PLEKHA7: variants seen among roughly 807,000 people sequenced by gnomAD.
PLEKHA7 encodes pleckstrin homology domain containing A7.
PLEKHA7 carries 104 observed loss-of-function variants against 170.0 expected under a neutral mutation model. The ratio of observed to expected loss-of-function variants is 0.61; its 90% CI spans 0.52 to 0.72. The LOEUF (loss-of-function observed/expected upper bound fraction) is 0.72, where lower values mean the gene tolerates loss of function less well. Ranked by LOEUF, PLEKHA7 falls within the 30% of genes least tolerant of loss-of-function variation. The probability of loss-of-function intolerance (pLI) is 0.00; values close to 1 mark genes in which losing one functional copy is unlikely to be tolerated. For synonymous variants in PLEKHA7, 648 were observed against 660.8 expected, an observed-to-expected ratio of 0.98 and a Z score of 0.30; for missense variants, 1,615 against 1,671.7, an observed-to-expected ratio of 0.97 and a Z score of 0.59.
intron 13 of PLEKHA7, among the ~76,000 whole-genome samples, chr11:16,812,737 C>A (rs1332229682): frequency 6.6e-6 from 1 of 152,188 alleles, no homozygotes. Context: ...AAAGAACCCA[C>A]CACACCACTT....
At chr11:16,964,323 G>A (rs1024568695) in intron 3 of PLEKHA7, among the ~76,000 whole-genome samples, 1 of 152,152 alleles carries the variant, frequency 6.6e-6, no homozygotes, top group African/African-American at 2.4e-5. Context: ...ATTCCTTTGG[G>A]TATATACCTA....
At chr11:16,868,014 C>T (rs1854526652) in intron 4 of PLEKHA7, among the ~76,000 whole-genome samples, 1 of 152,092 alleles carries the variant, frequency 6.6e-6, no homozygotes, top group African/African-American at 2.4e-5. Context: ...CACTTAAACT[C>T]AACTGGTGTA....
In PLEKHA7 at chr11:16,892,442, T is replaced by G. The variant is rs1196190590; in HGVS notation, c.222-21260A>C. Among the ~76,000 whole-genome samples, 404 of 103,498 alleles carry G rather than the reference T, an allele frequency of 3.9e-3. 4 individuals carry two copies. The highest frequency in any genetic ancestry group is 6.8e-3 in the East Asian group (32 of 4,734). 67.9% of individuals were successfully genotyped at this position (103,498 alleles called of 152,430 possible). ...TGTGTGTGTGTGTGTGTGTTTTGTT[T>G]TGTTTTGTTTTGTTTTGTTTTGAGA... On this transcript the variant is annotated intron_variant, in intron 3 of 26. Coordinates refer to ENST00000531066, the MANE Select transcript of PLEKHA7 (RefSeq NM_001329630.2).
intron 26 of PLEKHA7, among the ~76,000 whole-genome samples, chr11:16,780,651 TGAG>T (rs1228960931): frequency 3.3e-5 from 5 of 152,208 alleles, no homozygotes; most frequent in Non-Finnish European, 5.9e-5. Flanking sequence ...GGTGCCCTAC[TGAG>T]GAGAGCAGGG....
intron 9 of PLEKHA7, among the ~76,000 whole-genome samples, chr11:16,827,192 T>G (rs1458215615): frequency 2.0e-5 from 3 of 152,176 alleles, no homozygotes; most frequent in African/African-American, 7.2e-5. Flanking sequence ...ATAGCATAAT[T>G]AACACTCTTC....
intron 3 of PLEKHA7, among the ~76,000 whole-genome samples, chr11:16,914,301 A>G (rs1444968004): frequency 1.3e-5 from 2 of 152,210 alleles, no homozygotes; most frequent in East Asian, 3.8e-4. Flanking sequence ...ATTAGAAAAC[A>G]TCGACATTTA....
intron 3 of PLEKHA7, among the ~76,000 whole-genome samples, chr11:16,966,263 T>C (rs1862365338): frequency 6.6e-6 from 1 of 151,370 alleles, no homozygotes; most frequent in South Asian, 2.1e-4. Context: ...GATGCAGAAA[T>C]GGGACTGGAG....
chr11:16,937,172 T>A (rs1423981218), intron 3 of PLEKHA7, among the ~76,000 whole-genome samples: 4 of 152,220 alleles, frequency 2.6e-5, no homozygotes, highest in Non-Finnish European at 5.9e-5. Flanking sequence ...AGAGACAGTT[T>A]GCACGCTTGA....
chr11:16,929,928 C>T (rs988461591), intron 3 of PLEKHA7, among the ~76,000 whole-genome samples: 5 of 152,070 alleles, frequency 3.3e-5, no homozygotes, highest in African/African-American at 4.8e-5. Flanking sequence ...CACTCGAACC[C>T]GGGAGGTGGA....
chr11:16,791,134 A>C lies in PLEKHA7; in HGVS notation c.2811T>G (p.Ala937=). Residue 937 remains alanine (A), a synonymous_variant, in exon 20 of 27, where the codon GCT becomes GCG. Coordinates refer to ENST00000531066, the MANE Select transcript of PLEKHA7 (RefSeq NM_001329630.2). The surrounding 1 kb of genome is among the most constrained non-coding windows in gnomAD (Gnocchi z 4.5). ...TGGCCTCTCTTGGCAGAGGCGGCAC[A>C]GCCGGGGGCTGGTCCTCTGGGCTGT... ...ELYSPEDQPP[A]VPPLPREATI... is the part of the protein sequence containing the mutation. The C allele has an allele frequency of 6.2e-7, 1 of 1,613,992 alleles. No homozygotes were observed. Among genetic ancestry groups the C allele is most frequent in the African/African-American group, 1.3e-5 (1 of 75,068 alleles).
chr11:16,813,118 G>T lies in PLEKHA7; in HGVS notation c.2002C>A (p.Leu668Ile), dbSNP rs765956226. 3.7e-6 allele frequency: 6 copies of T among 1,613,338 alleles called. No individual in the cohort carries two copies. The highest frequency in any genetic ancestry group is 5.1e-6 in the Non-Finnish European group (6 of 1,179,414). ...QLKKDLEYLD[L>I]KMTGRDLLKD... ...GGAACCCTGATGTCACTTACCTTTA[G>T]ATCCAGGTACTCCAGGTCTTTCTTC... Residue 668 changes from leucine (L) to isoleucine (I), a missense_variant, in exon 13 of 27, where the codon CTA (leucine) becomes ATA (isoleucine). Transcript: ENST00000531066.
intron 3 of PLEKHA7, among the ~76,000 whole-genome samples, chr11:16,971,944 C>T (rs960961185): frequency 6.6e-6 from 1 of 151,486 alleles, no homozygotes. Flanking sequence ...ATGCCTCAGC[C>T]TCCCAAGTAG....
chr11:16,817,305 G>C lies in PLEKHA7; in HGVS notation c.1361C>G (p.Thr454Arg). The change falls in exon 11 of 27, where the codon ACG (threonine) becomes AGG (arginine). Residue 454 changes from threonine to arginine, a missense_variant. Transcript: ENST00000531066. The surrounding 1 kb of genome is among the most constrained non-coding windows in gnomAD (Gnocchi z 4.4). ...TTGGCCAGGACCCTGGCGAGGAAGC[G>C]TCTGGTCCAAGGGAAGACTGAGGAG... ...GDSRSLPLDQ[T>R]LPRQGPGQSL... is the part of the protein sequence containing the mutation. The C allele has an allele frequency of 6.2e-7, 1 of 1,610,508 alleles. No homozygotes were observed. Among genetic ancestry groups the C allele is most frequent in the Non-Finnish European group, 8.5e-7 (1 of 1,179,648 alleles).
intron 8 of PLEKHA7, among the ~76,000 whole-genome samples, chr11:16,845,371 G>T (rs73423200): frequency 0.056 from 8,490 of 152,160 alleles, 760 homozygotes; most frequent in African/African-American, 0.19. Flanking sequence ...ATGTTGTTTT[G>T]CTTTGCTTTG....
intron 3 of PLEKHA7, among the ~76,000 whole-genome samples, chr11:16,907,276 G>A (rs1178162175): frequency 6.4e-5 from 9 of 140,536 alleles, no homozygotes; most frequent in East Asian, 2.3e-4. Context: ...TCAGCCCCCC[G>A]CCCGGCCAGC....
At chr11:16,852,457 C>G (rs1169110367) in intron 6 of PLEKHA7, 102 bp from the exon 7 acceptor site, 17 of 919,620 alleles carry the variant, frequency 1.8e-5, no homozygotes, top group Non-Finnish European at 2.7e-5. Flanking sequence ...TGCCCATATT[C>G]ACTCTTTGTT....
At chr11:16,816,411 A>G in intron 11 of PLEKHA7, 147 bp from the exon 12 acceptor site, 1 of 649,836 alleles carries the variant, frequency 1.5e-6, no homozygotes, top group Non-Finnish European at 2.7e-6. Flanking sequence ...GGGTTAGAAC[A>G]CTAAACTGTG....
At chr11:16,967,061 C>A (rs1862417202) in intron 3 of PLEKHA7, among the ~76,000 whole-genome samples, 1 of 152,210 alleles carries the variant, frequency 6.6e-6, no homozygotes, top group South Asian at 2.1e-4. Context: ...GAAACTCTCC[C>A]AGTCAGCACA....
intron 9 of PLEKHA7, among the ~76,000 whole-genome samples, chr11:16,829,346 G>C (rs1166147767): frequency 6.6e-6 from 1 of 151,994 alleles, no homozygotes; most frequent in South Asian, 2.1e-4. Context: ...GTTAGAGTTT[G>C]GTTTCTGCTA....
Sources: gnomAD v4.1 joint callset for allele counts (sites outside exome capture counted in the v4.1 genomes callset) on GRCh38, gnomAD v4.1.1 for gene constraint, Gnocchi (gnomAD v3.1) non-coding constraint, MANE v1.5 for transcripts, NCBI Gene and HGNC (gene_info 2026-07-23, HGNC 2026-07-21) for gene names.